Variants in C1orf116 observed in about 807,000 individuals in gnomAD.
The protein encoded by C1orf116 is specifically androgen-regulated gene protein.
Under a neutral mutation model 14.1 loss-of-function variants are expected in C1orf116, and 12 were observed. The observed-to-expected ratio is 0.85, with a 90% CI of 0.54 to 1.38. C1orf116 has a LOEUF of 1.38. C1orf116 is among the 40% of genes most tolerant of loss of function. The pLI is 0.00. For missense variants in C1orf116, 797 were observed against 747.0 expected, an observed-to-expected ratio of 1.07 and a Z score of -0.78; for synonymous variants, 296 against 299.0, an observed-to-expected ratio of 0.99 and a Z score of 0.10.
Position 207,022,598 on chromosome 1 carries a change from C to G in C1orf116, c.1166G>C (p.Gly389Ala). Residue 389 changes from glycine (G) to alanine (A), a missense_variant, in exon 4 of 4, where the codon GGT becomes GCT. Transcript: ENST00000359470. Reference sequence around the variant, plus strand: ...GGCTGGAGCTGCAGGCTGAGCCAGACCTGGAGCTGGGGACAGATGCTGGGC... The same window carrying G: ...GGCTGGAGCTGCAGGCTGAGCCAGAGCTGGAGCTGGGGACAGATGCTGGGC... ...TRAQHLSPAP[G>A]LAQPAAPAQA... is the part of the protein sequence containing the mutation. The G allele has an allele frequency of 6.2e-6, 10 of 1,614,194 alleles. No individual in the cohort carries two copies. Among genetic ancestry groups the G allele is most frequent in the Non-Finnish European group, 8.5e-6 (10 of 1,180,044 alleles).
Position 207,032,223 on chromosome 1 carries a change from T to C in C1orf116, c.-82+356A>G, listed in dbSNP as rs115026302. 9.9e-3 allele frequency among the ~76,000 whole-genome samples: 1,515 copies of C among 152,368 alleles called. 21 individuals carry two copies. The highest frequency in any genetic ancestry group is 0.035 in the African/African-American group (1,442 of 41,582). ...TACTCTCCCCCATTTTGACTCCCTC[T>C]ATTTCAACTGTTCTTTTCTAAAATC... On this transcript the variant is annotated intron_variant, in intron 1 of 3. Transcript: ENST00000359470.
chr1:207,021,881 G>T lies in C1orf116; in HGVS notation c.*77C>A. 7.1e-7 allele frequency: 1 copy of T among 1,408,414 alleles called. No homozygotes were observed. Among genetic ancestry groups the T allele is most frequent in the South Asian group, 1.7e-5 (1 of 59,902 alleles). The allele number at this position is 1,408,414 out of a possible 1,614,324, so 87.2% of individuals were successfully genotyped here. On this transcript the variant is annotated 3_prime_UTR_variant, in exon 4 of 4. Transcript: ENST00000359470. ...CCATTCATCTTGAGCCCTGAGTTGC[G>T]TGGTGGCAAAGGCTCCCAAGTGGAG...
At position 207,022,776 on chromosome 1, in the gene C1orf116, G is replaced by A; in HGVS notation, c.988C>T (p.Pro330Ser). The A allele has an allele frequency of 6.2e-7, 1 of 1,614,180 alleles. No individual in the cohort carries two copies. Among genetic ancestry groups the A allele is most frequent in the South Asian group, 1.1e-5 (1 of 91,080 alleles). ...CAGGAGATCAGGCCAGAATCTCCAG[G>A]GGCAGCCTCAGTGTGGCGGGACAGC... ...HWLSRHTEAA[P>S]GDSGLISCSL... The change falls in exon 4 of 4, where the codon CCT (proline) becomes TCT (serine). Residue 330 changes from proline to serine, a missense_variant. By Grantham distance (74) the Pro-to-Ser change is moderately conservative. Coordinates refer to ENST00000359470, the MANE Select transcript of C1orf116 (RefSeq NM_023938.6).
In C1orf116 at chr1:207,022,666, G is replaced by A; in HGVS notation, c.1098C>T (p.His366=). 2 of 1,614,056 alleles carry A rather than the reference G, an allele frequency of 1.2e-6. No individual in the cohort carries two copies. Among genetic ancestry groups the A allele is most frequent in the South Asian group, 1.1e-5 (1 of 91,082 alleles). ...TGATGGAGCTGGTGGGCTTACTTAA[G>A]TGGAGTCCAGGCTCATCTTGATCCT... ...LPQDQDEPGL[H]LSKPTSSIRP... Residue 366 remains histidine, a synonymous_variant, in exon 4 of 4, where the codon CAC becomes CAT. Coordinates refer to ENST00000359470, the MANE Select transcript of C1orf116 (RefSeq NM_023938.6).
chr1:207,024,816 G>C (rs71635119), intron 3 of C1orf116, 71 bp downstream of exon 3: 2 of 1,553,254 alleles, frequency 1.3e-6, no homozygotes, highest in East Asian at 2.3e-5. Context: ...AGGCGAGGTA[G>C]AAAGTGGCCG....
Position 207,022,295 on chromosome 1 carries a change from CCCA to C in C1orf116, c.1466_1468del (p.Val489del). 6.2e-7 allele frequency: 1 copy of C among 1,613,792 alleles called. No homozygotes were observed. Among genetic ancestry groups the C allele is most frequent in the Non-Finnish European group, 8.5e-7 (1 of 1,179,876 alleles). On this transcript the variant is annotated inframe_deletion, in exon 4 of 4. Transcript: ENST00000359470. ...CTCAGTTGAAAGGTAGCTGCTCAGTCCCACGCCTGAGCGCTCCAGAGTGTTGGA... is the reference window on the plus strand; with the variant it reads ...CTCAGTTGAAAGGTAGCTGCTCAGTCCGCCTGAGCGCTCCAGAGTGTTGGA...
Position 207,023,199 on chromosome 1 carries a change from C to A in C1orf116, c.565G>T (p.Ala189Ser). The change falls in exon 4 of 4, where the codon GCT becomes TCT. Residue 189 changes from alanine (A) to serine (S), a missense_variant. Physicochemically the swap from Ala to Ser is moderately conservative, Grantham distance 99. Coordinates refer to ENST00000359470, the MANE Select transcript of C1orf116 (RefSeq NM_023938.6). ...PRQAPASPQE[A>S]ALDLDVVLIP... ...AGCACCACGTCCAAGTCAAGGGCAG[C>A]CTCCTGGGGGCTGGCAGGTGCCTGC... is the stretch of plus-strand genomic sequence containing the variant. The A allele has an allele frequency of 6.2e-7, 1 of 1,608,170 alleles. No individual in the cohort carries two copies. Among genetic ancestry groups the A allele is most frequent in the South Asian group, 1.1e-5 (1 of 90,184 alleles).
chr1:207,022,091 C>A lies in C1orf116; in HGVS notation c.1673G>T (p.Arg558Leu), dbSNP rs540479951. 3.1e-6 allele frequency: 5 copies of A among 1,612,194 alleles called. No individual in the cohort carries two copies. Among genetic ancestry groups the A allele is most frequent in the Non-Finnish European group, 3.4e-6 (4 of 1,178,884 alleles). Residue 558 changes from arginine (R) to leucine (L), a missense_variant, in exon 4 of 4, where the codon CGC becomes CTC. Transcript: ENST00000359470. ...ADLEQEQSSK[R>L]LSYQGQSRDK... ...ACGGCTCTGTCCTTGGTAGGACAGG[C>A]GCTTGGAGCTCTGCTCCTGCTCCAG...
rs1488571778 is a variant in C1orf116, at chr1:207,019,988, G to A, written c.*1970C>T. 6.6e-6 allele frequency: 1 copy of A among 152,128 alleles called. No individual in the cohort carries two copies. Among genetic ancestry groups the A allele is most frequent in the African/African-American group, 2.4e-5 (1 of 41,434 alleles). 9.4% of individuals were successfully genotyped at this position (152,128 alleles called of 1,614,324 possible). A position where few individuals can be genotyped will look rare whatever the true frequency, so the allele number is the denominator to read the frequency against. On this transcript the variant is annotated 3_prime_UTR_variant, in exon 4 of 4. Coordinates refer to ENST00000359470, the MANE Select transcript of C1orf116 (RefSeq NM_023938.6). ...ATTCCCAAGTTTCCCTATTAATCAA[G>A]AAAATTAATGAATAAGGAATAAGGT...
chr1:207,026,237 G>A (rs113960531), intron 2 of C1orf116, among the ~76,000 whole-genome samples: 2 of 152,178 alleles, frequency 1.3e-5, no homozygotes, highest in Admixed American at 6.5e-5. Flanking sequence ...ACTTCCTTTC[G>A]CATGTGGGCC....
Position 207,026,421 on chromosome 1 carries a change from C to G in C1orf116, c.105+1073G>C, listed in dbSNP as rs60384373. Among the ~76,000 whole-genome samples the G allele has an allele frequency of 2.6e-3, 400 of 152,370 alleles. 1 individual carries two copies. The highest frequency in any genetic ancestry group is 9.1e-3 in the African/African-American group (377 of 41,580). On this transcript the variant is annotated intron_variant, in intron 2 of 3. Coordinates refer to ENST00000359470, the MANE Select transcript of C1orf116 (RefSeq NM_023938.6). ...GATTCACTTTGAAAACCTTTAATCC[C>G]TGTCACATTCTGTGTCCAATGCTAT... is the stretch of plus-strand genomic sequence containing the variant.
Position 207,020,842 on chromosome 1 carries a change from T to C in C1orf116, c.*1116A>G, listed in dbSNP as rs891974122. The C allele has an allele frequency of 6.6e-6, 1 of 152,058 alleles. No individual in the cohort carries two copies. The highest frequency in any genetic ancestry group is 1.5e-5 in the Non-Finnish European group (1 of 68,016). 9.4% of individuals were successfully genotyped at this position (152,058 alleles called of 1,614,324 possible). A position where few individuals can be genotyped will look rare whatever the true frequency, so the allele number is the denominator to read the frequency against. On this transcript the variant is annotated 3_prime_UTR_variant, in exon 4 of 4. Transcript: ENST00000359470. The stretch of plus-strand genomic sequence containing the variant: ...CACTGGCTAAGGAGAGGTGGCAGCA[T>C]GCAACAAGGGTAAGAACCTCAGCTC...
intron 2 of C1orf116, among the ~76,000 whole-genome samples, chr1:207,026,471 C>T (rs1682075668): frequency 6.6e-6 from 1 of 152,182 alleles, no homozygotes; most frequent in Non-Finnish European, 1.5e-5. Context: ...TGGCCTCAGC[C>T]TAAAAGACAT....
chr1:207,019,326 G>A lies in C1orf116; in HGVS notation c.*2632C>T, dbSNP rs542018970. Reference sequence around the variant, plus strand: ...CTCCTGTATTTGGCAGGTGGCTTGTGCCCAGTGGCATCAAGGCTATGGCAG... The same window carrying A: ...CTCCTGTATTTGGCAGGTGGCTTGTACCCAGTGGCATCAAGGCTATGGCAG... On this transcript the variant is annotated 3_prime_UTR_variant, in exon 4 of 4. Transcript: ENST00000359470. The A allele has an allele frequency of 6.6e-6, 1 of 152,398 alleles. No individual in the cohort carries two copies. Among genetic ancestry groups the A allele is most frequent in the Non-Finnish European group, 1.5e-5 (1 of 68,062 alleles). The allele number at this position is 152,398 out of a possible 1,614,324, so 9.4% of individuals were successfully genotyped here.
chr1:207,027,178 G>A (rs151076588), intron 2 of C1orf116, among the ~76,000 whole-genome samples: 1 of 152,266 alleles, frequency 6.6e-6, no homozygotes, highest in Non-Finnish European at 1.5e-5. Flanking sequence ...TGTGCTACAA[G>A]AATCTATGTT....
rs1683224 is a variant in C1orf116, at chr1:207,032,752, C to T, written c.-255G>A. ...TCTGTGCTGCCTGGCCCCCACCCTG[C>T]CACTGACTCAGCCAATCCTAGCCTC... On this transcript the variant is annotated 5_prime_UTR_variant, in exon 1 of 4. Transcript: ENST00000359470. The T allele has an allele frequency of 2.0e-6, 2 of 985,394 alleles. No homozygotes were observed. The highest frequency in any genetic ancestry group is 1.7e-5 in the African/African-American group (1 of 57,216). The allele number at this position is 985,394 out of a possible 1,614,324, so 61.0% of individuals were successfully genotyped here. A position where few individuals can be genotyped will look rare whatever the true frequency, so the allele number is the denominator to read the frequency against.
In C1orf116 at chr1:207,022,651, G is replaced by A. The variant is rs751551884; in HGVS notation, c.1113C>T (p.Thr371=). The A allele has an allele frequency of 1.9e-6, 3 of 1,614,050 alleles. No homozygotes were observed. Among genetic ancestry groups the A allele is most frequent in the Non-Finnish European group, 2.5e-6 (3 of 1,180,028 alleles). ...GTGTCTCCTTGGGTCTGATGGAGCT[G>A]GTGGGCTTACTTAAGTGGAGTCCAG... ...DEPGLHLSKP[T]SSIRPKETRA... The change falls in exon 4 of 4, where the codon ACC becomes ACT. Residue 371 remains threonine (T), a synonymous_variant. Coordinates refer to ENST00000359470, the MANE Select transcript of C1orf116 (RefSeq NM_023938.6).
chr1:207,032,366 C>G (rs978735664), intron 1 of C1orf116, among the ~76,000 whole-genome samples: 5 of 152,194 alleles, frequency 3.3e-5, no homozygotes, highest in Admixed American at 6.5e-5. Flanking sequence ...AAGAAGGTGC[C>G]TCCCAGCCCC....
chr1:207,022,329 A>C lies in C1orf116; in HGVS notation c.1435T>G (p.Phe479Val). 3 of 1,613,762 alleles carry C rather than the reference A, an allele frequency of 1.9e-6. No individual in the cohort carries two copies. The highest frequency in any genetic ancestry group is 1.1e-5 in the South Asian group (1 of 91,048). The change falls in exon 4 of 4, where the codon TTC (phenylalanine) becomes GTC (valine). Residue 479 changes from phenylalanine (F) to valine (V), a missense_variant. Transcript: ENST00000359470. ...GAGCGCTCCAGAGTGTTGGACTTGAAGTTCATCTGTCTCAGGCCAGGGGTG... is the reference window on the plus strand; with the variant it reads ...GAGCGCTCCAGAGTGTTGGACTTGACGTTCATCTGTCTCAGGCCAGGGGTG... ...SNTPGLRQMN[F>V]KSNTLERSGV...
Sources: gnomAD v4.1 joint callset for allele counts (sites outside exome capture counted in the v4.1 genomes callset) on GRCh38, gnomAD v4.1.1 for gene constraint, MANE v1.5 for transcripts, NCBI Gene and HGNC (gene_info 2026-07-23, HGNC 2026-07-21) for gene names.